Variants in NOS1AP observed in about 807,000 individuals in gnomAD.
NOS1AP encodes nitric oxide synthase 1 adaptor protein.
In NOS1AP, 21 loss-of-function variants were observed where a neutral mutation model predicts 56.2. The observed-to-expected ratio is 0.37, with a 90% CI of 0.26 to 0.54. The LOEUF is 0.54. Ranked by LOEUF, NOS1AP falls within the 20% of genes least tolerant of loss-of-function variation. The pLI is 0.84. For synonymous variants in NOS1AP, 270 were observed against 274.6 expected (o/e 0.98, Z 0.17); for missense variants, 522 against 657.8 (o/e 0.79, Z 2.26).
chr1:162,291,361 T>G (rs1350215221), intron 3 of NOS1AP, among the ~76,000 whole-genome samples: 2 of 152,202 alleles, frequency 1.3e-5, no homozygotes, highest in Admixed American at 6.5e-5. Flanking sequence ...TGAACATTAT[T>G]TGTGTGTAAT....
intron 8 of NOS1AP, among the ~76,000 whole-genome samples, chr1:162,361,991 C>T (rs1418048864): frequency 6.6e-6 from 1 of 152,236 alleles, no homozygotes; most frequent in African/African-American, 2.4e-5. Flanking sequence ...TCAACTGTCT[C>T]AGCCTCAAGC....
chr1:162,287,699 C>T (rs1400642353), intron 3 of NOS1AP, among the ~76,000 whole-genome samples: 1 of 152,200 alleles, frequency 6.6e-6, no homozygotes, highest in East Asian at 1.9e-4. Flanking sequence ...CTTCAACCCC[C>T]CTCCCCATTT....
intron 1 of NOS1AP, among the ~76,000 whole-genome samples, chr1:162,072,045 A>G (rs1691670224): frequency 1.3e-5 from 2 of 148,418 alleles, no homozygotes; most frequent in South Asian, 4.3e-4. Context: ...GGGTGACAGA[A>G]TGAGACCCTG....
chr1:162,346,372 A>G (rs944655697), intron 6 of NOS1AP, among the ~76,000 whole-genome samples: 2 of 152,258 alleles, frequency 1.3e-5, no homozygotes, highest in South Asian at 4.1e-4. Context: ...TTAGTTCTCT[A>G]TGAACTGATT....
chr1:162,220,820 G>A (rs993210567), intron 2 of NOS1AP, among the ~76,000 whole-genome samples: 1 of 152,068 alleles, frequency 6.6e-6, no homozygotes, highest in Non-Finnish European at 1.5e-5. Flanking sequence ...TGGGCCAAAT[G>A]GGAAAAAGAA....
At chr1:162,235,211 A>G (rs1187285773) in intron 2 of NOS1AP, among the ~76,000 whole-genome samples, 2 of 152,044 alleles carry the variant, frequency 1.3e-5, no homozygotes, top group African/African-American at 4.8e-5. Context: ...CTTTTCCCCC[A>G]TAGAAGGGTT....
chr1:162,176,885 A>G (rs530829710), intron 2 of NOS1AP, among the ~76,000 whole-genome samples: 1 of 152,350 alleles, frequency 6.6e-6, no homozygotes, highest in South Asian at 2.1e-4. Flanking sequence ...TCTTATTTCC[A>G]GATTTTGATG....
intron 1 of NOS1AP, among the ~76,000 whole-genome samples, chr1:162,135,736 G>A (rs1379033609): frequency 6.6e-6 from 1 of 152,202 alleles, no homozygotes; most frequent in Non-Finnish European, 1.5e-5. Flanking sequence ...AAGTGGCAAA[G>A]AGGCTGACTT....
chr1:162,160,986 T>C (rs1394404057), intron 2 of NOS1AP, among the ~76,000 whole-genome samples: 2 of 152,154 alleles, frequency 1.3e-5, no homozygotes, highest in Admixed American at 1.3e-4. Context: ...CTCCCTAGAT[T>C]CCTTGGCTCA....
chr1:162,128,458 A>G (rs988027167), intron 1 of NOS1AP, among the ~76,000 whole-genome samples: 9 of 152,186 alleles, frequency 5.9e-5, no homozygotes, highest in Non-Finnish European at 1.2e-4. Context: ...CTAATCACAA[A>G]GTATTCATTT....
intron 1 of NOS1AP, among the ~76,000 whole-genome samples, chr1:162,138,875 G>A (rs998420984): frequency 6.6e-6 from 1 of 152,280 alleles, no homozygotes; most frequent in South Asian, 2.1e-4. Context: ...CAGAGCAGGG[G>A]TTCACACAGG....
At chr1:162,144,516 T>C (rs941777604) in intron 1 of NOS1AP, among the ~76,000 whole-genome samples, 3 of 152,226 alleles carry the variant, frequency 2.0e-5, no homozygotes, top group African/African-American at 7.2e-5. Context: ...ATGATTTTAA[T>C]GATCATACAG....
At chr1:162,079,524 T>C (rs1384025288) in intron 1 of NOS1AP, among the ~76,000 whole-genome samples, 11 of 152,232 alleles carry the variant, frequency 7.2e-5, no homozygotes, top group African/African-American at 2.7e-4. Flanking sequence ...AAATCCTGGC[T>C]CTATCCCTCA....
intron 1 of NOS1AP, among the ~76,000 whole-genome samples, chr1:162,105,531 T>C (rs7521236): frequency 0.51 from 77,213 of 151,930 alleles, 21,788 homozygotes; most frequent in Non-Finnish European, 0.64. Flanking sequence ...ACTGCAGAGA[T>C]GGTGGCCGCC....
intron 3 of NOS1AP, among the ~76,000 whole-genome samples, chr1:162,297,518 T>C (rs1362198816): frequency 6.6e-6 from 1 of 152,128 alleles, no homozygotes; most frequent in Non-Finnish European, 1.5e-5. Flanking sequence ...GTGTGTGGTG[T>C]GTGAAAGAGA....
At chr1:162,364,788 C>T (rs1019612337) in intron 8 of NOS1AP, 7 of 987,088 alleles carry the variant, frequency 7.1e-6, no homozygotes, top group African/African-American at 1.7e-5. Flanking sequence ...AAGAAGCTGT[C>T]GCCTACAGAG....
At chr1:162,245,442 G>T (rs1557846951) in intron 2 of NOS1AP, among the ~76,000 whole-genome samples, 1 of 152,162 alleles carries the variant, frequency 6.6e-6, no homozygotes, top group Non-Finnish European at 1.5e-5. Context: ...AATGCAAAAT[G>T]GTACAGCCAG....
intron 2 of NOS1AP, among the ~76,000 whole-genome samples, chr1:162,186,947 T>TTTG (rs770313465): frequency 4.6e-5 from 7 of 152,010 alleles, no homozygotes; most frequent in Non-Finnish European, 7.4e-5. Flanking sequence ...TGTTGTTGGT[T>TTTG]TTGTTGTTGT....
chr1:162,160,996 A>G (rs922026772), intron 2 of NOS1AP, among the ~76,000 whole-genome samples: 4 of 152,100 alleles, frequency 2.6e-5, no homozygotes, highest in Non-Finnish European at 5.9e-5. Flanking sequence ...TCCTTGGCTC[A>G]TGGCCCCTTT....
Sources: allele counts gnomAD v4.1 joint callset (sites outside exome capture counted in the v4.1 genomes callset), GRCh38; gene constraint gnomAD v4.1.1; transcripts MANE v1.5; gene names NCBI Gene and HGNC (gene_info 2026-07-23, HGNC 2026-07-21).